Variants in ZNF385D observed in about 807,000 individuals in gnomAD.
ZNF385D encodes zinc finger protein 659.
In ZNF385D, 15 loss-of-function variants were observed where a neutral mutation model predicts 35.8. That is an observed-to-expected ratio of 0.42 (90% CI 0.28 to 0.64). The LOEUF (loss-of-function observed/expected upper bound fraction) is 0.64, where lower values mean the gene tolerates loss of function less well. ZNF385D is among the 30% of genes least tolerant of loss of function. ZNF385D has a pLI of 0.23. For missense variants in ZNF385D, 474 were observed against 494.6 expected (o/e 0.96, Z 0.39); for synonymous variants, 212 against 186.8 (o/e 1.13, Z -1.10).
chr3:21,608,012 C>CTTTTT lies in ZNF385D; in HGVS notation c.166-43333_166-43329dup, dbSNP rs368555930. 2.6e-3 allele frequency among the ~76,000 whole-genome samples: 320 copies of CTTTTT among 123,860 alleles called. 13 individuals are homozygous for CTTTTT. Among genetic ancestry groups the CTTTTT allele is most frequent in the African/African-American group, 9.5e-3 (302 of 31,898 alleles). 81.3% of individuals were successfully genotyped at this position (123,860 alleles called of 152,430 possible). On this transcript the variant is annotated intron_variant, in intron 2 of 7. Coordinates refer to ENST00000281523, the MANE Select transcript of ZNF385D (RefSeq NM_024697.3). ...ATGAAAAGATGTAATTCTTTTTCTT[C>CTTTTT]TTTTTTTTTTGTTTTTTTTTTTTGA... is the stretch of plus-strand genomic sequence containing the variant.
At chr3:22,311,359 A>C (rs567095144) in intron 2 of ZNF385D, among the ~76,000 whole-genome samples, 1 of 152,104 alleles carries the variant, frequency 6.6e-6, no homozygotes, top group East Asian at 1.9e-4. Context: ...TGCTTACAAA[A>C]ACTTCTGATT....
chr3:22,191,486 T>C (rs939247632), intron 2 of ZNF385D, among the ~76,000 whole-genome samples: 2 of 128,062 alleles, frequency 1.6e-5, no homozygotes, highest in Non-Finnish European at 3.2e-5. Flanking sequence ...AAACTCCATC[T>C]AAGAAAAAAA....
intron 2 of ZNF385D, among the ~76,000 whole-genome samples, chr3:22,207,391 T>C (rs566668052): frequency 1.3e-5 from 2 of 152,036 alleles, no homozygotes; most frequent in Admixed American, 1.3e-4. Context: ...GACACGCATA[T>C]GCAGAAGAAA....
intron 2 of ZNF385D, among the ~76,000 whole-genome samples, chr3:22,228,662 G>A (rs541466816): frequency 6.6e-6 from 1 of 152,276 alleles, no homozygotes; most frequent in South Asian, 2.1e-4. Flanking sequence ...TTGTTCCTGG[G>A]TGGGTCTGTG....
chr3:21,754,074 T>C (rs1042546440), upstream of ZNF385D, among the ~76,000 whole-genome samples: 1 of 152,240 alleles, frequency 6.6e-6, no homozygotes, highest in Admixed American at 6.5e-5. Context: ...GACATCTTTG[T>C]TATCCATTCA....
At chr3:22,057,725 G>A (rs1699480042) in intron 3 of ZNF385D, among the ~76,000 whole-genome samples, 1 of 151,992 alleles carries the variant, frequency 6.6e-6, no homozygotes, top group Admixed American at 6.6e-5. Context: ...TGTTGGTCAG[G>A]CTGGTCTCGA....
At chr3:22,150,014 G>C (rs764001873) in intron 3 of ZNF385D, among the ~76,000 whole-genome samples, 1 of 152,094 alleles carries the variant, frequency 6.6e-6, no homozygotes, top group Non-Finnish European at 1.5e-5. Flanking sequence ...AGTTATTTCA[G>C]ATGAAATAAT....
chr3:21,460,183 T>C (rs976795385), intron 4 of ZNF385D, among the ~76,000 whole-genome samples: 34 of 152,224 alleles, frequency 2.2e-4, no homozygotes, highest in Non-Finnish European at 2.9e-4. Flanking sequence ...ACCATCTTTT[T>C]TTTCTTCTCA....
intron 3 of ZNF385D, among the ~76,000 whole-genome samples, chr3:22,084,929 A>C (rs569442400): frequency 1.3e-5 from 2 of 152,362 alleles, no homozygotes; most frequent in East Asian, 3.9e-4. Context: ...ACTCATTCAA[A>C]ACCTCACAAC....
chr3:22,191,530 C>T (rs1696030167), intron 2 of ZNF385D, among the ~76,000 whole-genome samples: 1 of 150,904 alleles, frequency 6.6e-6, no homozygotes, highest in South Asian at 2.1e-4. Flanking sequence ...AATGTGATCA[C>T]TTAGAGGTGT....
chr3:22,030,236 T>C (rs1215022481), intron 3 of ZNF385D, among the ~76,000 whole-genome samples: 1 of 105,944 alleles, frequency 9.4e-6, no homozygotes, highest in Non-Finnish European at 1.9e-5. Context: ...TCATGCAAGT[T>C]AATACTTAAT....
intron 2 of ZNF385D, among the ~76,000 whole-genome samples, chr3:21,610,796 G>C (rs1271298243): frequency 1.3e-5 from 2 of 150,876 alleles, no homozygotes; most frequent in African/African-American, 4.9e-5. Flanking sequence ...AAAAACAATA[G>C]TCATGTGTTA....
chr3:22,367,359 T>A (rs758309304), intron 2 of ZNF385D, among the ~76,000 whole-genome samples: 1 of 152,184 alleles, frequency 6.6e-6, no homozygotes, highest in Non-Finnish European at 1.5e-5. Context: ...ACTCATACTC[T>A]TAAAATGCTA....
intron 3 of ZNF385D, among the ~76,000 whole-genome samples, chr3:21,899,527 G>A (rs1699298334): frequency 6.6e-6 from 1 of 152,042 alleles, no homozygotes; most frequent in African/African-American, 2.4e-5. Flanking sequence ...CAAGTTCCCA[G>A]GTGACAATTA....
At position 21,487,180 on chromosome 3, in the gene ZNF385D, G is replaced by A. The variant is rs146066163; in HGVS notation, c.439+23681C>T. Reference sequence around the variant, plus strand: ...CACACCAGATATTTTAGGACAACTCGCACTTTACCCTCAAGCTTTCCAGGA... The same window carrying A: ...CACACCAGATATTTTAGGACAACTCACACTTTACCCTCAAGCTTTCCAGGA... On this transcript the variant is annotated intron_variant, in intron 4 of 7. Coordinates refer to ENST00000281523, the MANE Select transcript of ZNF385D (RefSeq NM_024697.3). 3.5e-3 allele frequency among the ~76,000 whole-genome samples: 535 copies of A among 152,024 alleles called. 4 individuals are homozygous for A. The highest frequency in any genetic ancestry group is 0.012 in the African/African-American group (494 of 41,490).
intron 2 of ZNF385D, among the ~76,000 whole-genome samples, chr3:21,620,621 A>G (rs765414833): frequency 6.6e-5 from 10 of 152,040 alleles, no homozygotes; most frequent in African/African-American, 1.2e-4. Context: ...AGATATTTCA[A>G]TCTCAGCCCC....
chr3:21,687,756 A>C (rs2067153070), intron 1 of ZNF385D, among the ~76,000 whole-genome samples: 1 of 152,224 alleles, frequency 6.6e-6, no homozygotes. Flanking sequence ...ATCTAAATTC[A>C]TAGGAAATAA....
intron 1 of ZNF385D, among the ~76,000 whole-genome samples, chr3:21,711,891 C>A (rs751490908): frequency 3.3e-5 from 5 of 152,080 alleles, no homozygotes; most frequent in Non-Finnish European, 7.4e-5. Flanking sequence ...CTACAGAATA[C>A]AAGTATGGAA....
intron 3 of ZNF385D, among the ~76,000 whole-genome samples, chr3:21,908,921 T>C (rs1228268193): frequency 6.6e-6 from 1 of 152,112 alleles, no homozygotes; most frequent in Non-Finnish European, 1.5e-5. Flanking sequence ...TTTTTCAATG[T>C]GTTAGCTCTA....
Sources: allele counts gnomAD v4.1 joint callset (sites outside exome capture counted in the v4.1 genomes callset), GRCh38; gene constraint gnomAD v4.1.1; transcripts MANE v1.5; gene names NCBI Gene and HGNC (gene_info 2026-07-23, HGNC 2026-07-21).